The following CD320 variants were observed in gnomAD, a reference collection of about 807,000 sequenced individuals.
The protein encoded by CD320 is CD320 molecule.
Under a neutral mutation model 22.1 loss-of-function variants are expected in CD320, and 16 were observed. That is an observed-to-expected ratio of 0.73 (90% CI 0.49 to 1.10). The LOEUF (loss-of-function observed/expected upper bound fraction) is 1.10. Among genes scored for constraint, CD320 ranks in the 50% least tolerant of loss-of-function variants. The probability of loss-of-function intolerance (pLI) is 0.00; values close to 1 mark genes in which losing one functional copy is unlikely to be tolerated. For synonymous variants in CD320, 188 were observed against 167.8 expected, an observed-to-expected ratio of 1.12 and a Z score of -0.93; for missense variants, 388 against 376.9, an observed-to-expected ratio of 1.03 and a Z score of -0.24.
chr19:8,304,115 A>C, intron 2 of CD320, 27 bp from the exon 3 acceptor site: 1 of 1,242,382 alleles, frequency 8.0e-7, no homozygotes, highest in Non-Finnish European at 1.2e-6. Context: ...GTCAGGTCCC[A>C]AATGCCCACC....
At position 8,305,086 on chromosome 19, in the gene CD320, G is replaced by T. The variant is rs1483486445; in HGVS notation, c.213C>A (p.Thr71=). 1 of 1,612,956 alleles carries T rather than the reference G, an allele frequency of 6.2e-7. No individual in the cohort carries two copies. Among genetic ancestry groups the T allele is most frequent in the Non-Finnish European group, 8.5e-7 (1 of 1,179,932 alleles). Residue 71 remains threonine (T), a synonymous_variant, in exon 2 of 5, where the codon ACC becomes ACA. Transcript: ENST00000301458. The stretch of plus-strand genomic sequence containing the variant: ...AGTCCAAGTCCCTGTCGCAGCGCCA[G>T]GTGAGGGGCACGCATAAGCCACTGG... ...CRTSGLCVPL[T]WRCDRDLDCS...
Position 8,302,241 on chromosome 19 carries a change from G to A in CD320, c.*222C>T. ...TGGGGCCAGCCCCTCAGTTCTGGCT[G>A]TGGCAGGTTCCCCATCCTAGCTCCC... On this transcript the variant is annotated 3_prime_UTR_variant, in exon 5 of 5. Transcript: ENST00000301458. The A allele has an allele frequency of 1.4e-6, 1 of 699,132 alleles. No homozygotes were observed. The highest frequency in any genetic ancestry group is 2.8e-5 in the East Asian group (1 of 36,274). The allele number at this position is 699,132 out of a possible 1,614,324, so 43.3% of individuals were successfully genotyped here. A position where few individuals can be genotyped will look rare whatever the true frequency, so the allele number is the denominator to read the frequency against.
At chr19:8,304,732 C>A in intron 2 of CD320, 1 of 357,790 alleles carries the variant, frequency 2.8e-6, no homozygotes, top group East Asian at 5.9e-5. Context: ...CAGTCTTACT[C>A]TGTTGCCCAG....
chr19:8,302,864 T>G lies in CD320; in HGVS notation c.619A>C (p.Ser207Arg). 1.9e-6 allele frequency: 3 copies of G among 1,613,956 alleles called. No individual in the cohort carries two copies. The highest frequency in any genetic ancestry group is 1.1e-5 in the South Asian group (1 of 91,066). Residue 207 changes from serine (S) to arginine (R), a missense_variant, in exon 4 of 5, where the codon AGT becomes CGT. Physicochemically the swap from Ser to Arg is moderately radical, Grantham distance 110. Transcript: ENST00000301458. ...GTGGCATTCCCGACAGAGGGGACAC[T>G]CTCCAGGGTCACAGGGGGCCCCATG... ...TTMGPPVTLE[S>R]VPSVGNATSS...
rs950977415 is a variant in CD320, at chr19:8,308,010, C to T, written c.142+139G>A. 8 of 911,182 alleles carry T rather than the reference C, an allele frequency of 8.8e-6. No homozygotes were observed. In the African/African-American group the frequency reaches 9.1e-5, roughly 10 times the overall value. 56.4% of individuals were successfully genotyped at this position (911,182 alleles called of 1,614,324 possible). On this transcript the variant is annotated intron_variant, in intron 1 of 4. Coordinates refer to ENST00000301458, the MANE Select transcript of CD320 (RefSeq NM_016579.4). ...GCACCAGTGCGCGCCTTCCCACAAG[C>T]GATGAAGTCCAAGTCCACGTGCTGG...
chr19:8,304,699 C>G, intron 2 of CD320: 2 of 175,070 alleles, frequency 1.1e-5, no homozygotes, highest in East Asian at 1.4e-4. Flanking sequence ...TTTTTTTTTT[C>G]TTTTTCTTTT....
chr19:8,306,837 C>T (rs747121998), intron 1 of CD320, among the ~76,000 whole-genome samples: 1 of 152,174 alleles, frequency 6.6e-6, no homozygotes, highest in Admixed American at 6.6e-5. Flanking sequence ...CGCTGGACTG[C>T]GGGAGTGTGT....
chr19:8,303,674 C>A (rs915486657), intron 3 of CD320, among the ~76,000 whole-genome samples, 181 bp downstream of exon 3: 7 of 152,174 alleles, frequency 4.6e-5, no homozygotes, highest in African/African-American at 1.4e-4. Flanking sequence ...CTCAGCCTCC[C>A]AAAGTGCTGG....
At chr19:8,308,017 G>T in intron 1 of CD320, 132 bp downstream of exon 1, 1 of 962,002 alleles carries the variant, frequency 1.0e-6, no homozygotes, top group Non-Finnish European at 1.5e-6. Context: ...AAGCGATGAA[G>T]TCCAAGTCCA....
At position 8,308,210 on chromosome 19, in the gene CD320, G is replaced by A. The variant is rs1350152546; in HGVS notation, c.81C>T (p.Leu27=). The change falls in exon 1 of 5, where the codon CTC becomes CTT. Residue 27 remains leucine, a synonymous_variant. Coordinates refer to ENST00000301458, the MANE Select transcript of CD320 (RefSeq NM_016579.4). ...TCGCGGCGGCCTCCAGGCCTAGTCC[G>A]AGGCCGAGCAGCAGCAGCAGCGCCA... The part of the protein sequence containing the change: ...LGLALLLLLG[L]GLGLEAAASP... 11 of 1,573,100 alleles carry A rather than the reference G, an allele frequency of 7.0e-6. No individual in the cohort carries two copies. Among genetic ancestry groups the A allele is most frequent in the South Asian group, 4.6e-5 (4 of 87,424 alleles).
chr19:8,307,071 C>T (rs1222103415), intron 1 of CD320, among the ~76,000 whole-genome samples: 1 of 144,922 alleles, frequency 6.9e-6, no homozygotes, highest in African/African-American at 2.8e-5. Flanking sequence ...GCGGACAGAA[C>T]ACTTGAGGTC....
chr19:8,308,341 C>A lies in CD320; in HGVS notation c.-51G>T, dbSNP rs746276386. The A allele has an allele frequency of 1.9e-6, 3 of 1,564,872 alleles. No homozygotes were observed. Among genetic ancestry groups the A allele is most frequent in the South Asian group, 2.3e-5 (2 of 86,752 alleles). On this transcript the variant is annotated 5_prime_UTR_variant, in exon 1 of 5. Transcript: ENST00000301458. ...CGCGCTGTCCAGACCGCTCTCTTATCCCTGCGCACGCGCACGCGCGGGGTT... is the reference window on the plus strand; with the variant it reads ...CGCGCTGTCCAGACCGCTCTCTTATACCTGCGCACGCGCACGCGCGGGGTT...
At chr19:8,305,309 G>A (rs534619048) in intron 1 of CD320, 153 bp from the exon 2 acceptor site, 389 of 893,302 alleles carry the variant, frequency 4.4e-4, no homozygotes, top group Non-Finnish European at 5.8e-4. Context: ...CCCCTAGTAC[G>A]AGTGGGGTTC....
chr19:8,305,652 A>G (rs1269327241), intron 1 of CD320: 1 of 165,966 alleles, frequency 6.0e-6, no homozygotes, highest in Non-Finnish European at 1.3e-5. Context: ...GTTGCAATGA[A>G]CCGAAATCAT....
At position 8,308,174 on chromosome 19, in the gene CD320, G is replaced by T. The variant is rs1970123758; in HGVS notation, c.117C>A (p.Ser39=). 1.3e-6 allele frequency: 2 copies of T among 1,552,844 alleles called. No individual in the cohort carries two copies. Among genetic ancestry groups the T allele is most frequent in the Non-Finnish European group, 1.7e-6 (2 of 1,157,814 alleles). ...CTGCGGCCTGGGCAGAGGTCGGGGT[G>T]GAAAGCGGGCTCGCGGCGGCCTCCA... ...LGLEAAASPL[S]TPTSAQAAGP... The change falls in exon 1 of 5, where the codon TCC becomes TCA. Residue 39 remains serine, a synonymous_variant. Transcript: ENST00000301458.
chr19:8,305,174 A>AT lies in CD320; in HGVS notation c.143-19dup. 2 of 1,582,548 alleles carry AT rather than the reference A, an allele frequency of 1.3e-6. No homozygotes were observed. The highest frequency in any genetic ancestry group is 1.7e-6 in the Non-Finnish European group (2 of 1,164,674). On this transcript the variant is annotated intron_variant, in intron 1 of 4. Coordinates refer to ENST00000301458, the MANE Select transcript of CD320 (RefSeq NM_016579.4). ...GCTGGGGCCTGCGAGATGGATGCAAATGAAGCCTGGGAAGCTGGAGGCTGG... is the reference window on the plus strand; with the variant it reads ...GCTGGGGCCTGCGAGATGGATGCAAATTGAAGCCTGGGAAGCTGGAGGCTGG...
intron 2 of CD320, 102 bp from the exon 3 acceptor site, chr19:8,304,190 A>G (rs974183313): frequency 4.5e-6 from 3 of 659,736 alleles, no homozygotes; most frequent in Non-Finnish European, 8.0e-6. Context: ...AGAACAGCTG[A>G]GCCCAAAAAA....
Position 8,308,236 on chromosome 19 carries a change from G to C in CD320, c.55C>G (p.Leu19Val). 6.3e-7 allele frequency: 1 copy of C among 1,581,606 alleles called. No individual in the cohort carries two copies. Among genetic ancestry groups the C allele is most frequent in the African/African-American group, 1.3e-5 (1 of 74,402 alleles). Residue 19 changes from leucine (L) to valine (V), a missense_variant, in exon 1 of 5, where the codon CTG becomes GTG. Coordinates refer to ENST00000301458, the MANE Select transcript of CD320 (RefSeq NM_016579.4). ...AGGCCGAGCAGCAGCAGCAGCGCCA[G>C]GCCCAGAGCCCCTGTTCGCCACGCT... ...VGAWRTGALG[L>V]ALLLLLGLGL... is the part of the protein sequence containing the mutation.
At chr19:8,306,098 T>C (rs1169960064) in intron 1 of CD320, among the ~76,000 whole-genome samples, 2 of 152,250 alleles carry the variant, frequency 1.3e-5, no homozygotes, top group Non-Finnish European at 2.9e-5. Flanking sequence ...CCAAGGTCCA[T>C]TAGGACACCA....
Sources: gnomAD v4.1 joint callset for allele counts (sites outside exome capture counted in the v4.1 genomes callset) on GRCh38, gnomAD v4.1.1 for gene constraint, MANE v1.5 for transcripts, NCBI Gene and HGNC (gene_info 2026-07-23, HGNC 2026-07-21) for gene names.